Variants in TUSC3 observed in about 807,000 individuals in gnomAD.
TUSC3 encodes the protein dolichyl-diphosphooligosaccharide--protein glycosyltransferase subunit TUSC3.
TUSC3 carries 45 observed loss-of-function variants against 44.8 expected under a neutral mutation model. That is an observed-to-expected ratio of 1.00 (90% CI 0.79 to 1.29). The LOEUF is 1.29. Among genes scored for constraint, TUSC3 ranks in the 50% most tolerant of loss-of-function variants. The probability of loss-of-function intolerance (pLI) is 0.00; values close to 1 mark genes in which losing one functional copy is unlikely to be tolerated. For synonymous variants in TUSC3, 212 were observed against 152.9 expected (o/e 1.39, Z -2.85); for missense variants, 519 against 437.9 (o/e 1.19, Z -1.65).
chr8:15,600,303 G>A (rs1804233394), intron 1 of TUSC3, among the ~76,000 whole-genome samples: 1 of 151,596 alleles, frequency 6.6e-6, no homozygotes, highest in African/African-American at 2.4e-5. Flanking sequence ...TGGTAGTAAT[G>A]GCAATTAAGA....
intron 1 of TUSC3, among the ~76,000 whole-genome samples, chr8:15,595,310 T>C (rs1320517964): frequency 2.6e-5 from 4 of 152,274 alleles, no homozygotes; most frequent in Admixed American, 2.0e-4. Context: ...GGCTTCTCTT[T>C]GTGTAAATCT....
chr8:15,488,972 C>T (rs1800771210), intron 2 of TUSC3, among the ~76,000 whole-genome samples: 1 of 152,160 alleles, frequency 6.6e-6, no homozygotes. Flanking sequence ...ATCTCAGTCT[C>T]TTGGCTATTC....
the TUSC3 span, among the ~76,000 whole-genome samples, chr8:15,804,871 A>G: frequency 6.6e-6 from 1 of 152,154 alleles, no homozygotes; most frequent in African/African-American, 2.4e-5. Context: ...GTGAAGAATG[A>G]AATTGGTAGT....
chr8:15,668,028 G>T (rs981540634), intron 5 of TUSC3, among the ~76,000 whole-genome samples: 1 of 151,722 alleles, frequency 6.6e-6, no homozygotes, highest in Non-Finnish European at 1.5e-5. Context: ...ATAACATGTG[G>T]TTATGTTCAG....
intron 1 of TUSC3, among the ~76,000 whole-genome samples, chr8:15,564,164 T>C (rs1802581240): frequency 6.6e-6 from 1 of 152,148 alleles, no homozygotes; most frequent in African/African-American, 2.4e-5. Context: ...TTTTTGTGAC[T>C]GGCACTTCAA....
At chr8:15,538,551 C>A (rs772279269), upstream of TUSC3, among the ~76,000 whole-genome samples, 10 of 152,166 alleles carry the variant, frequency 6.6e-5, no homozygotes, top group Admixed American at 6.5e-4. Context: ...ATCTGAAAAT[C>A]GTTAACAGTG....
intron 9 of TUSC3, among the ~76,000 whole-genome samples, chr8:15,756,011 T>G (rs971115150): frequency 6.6e-6 from 1 of 152,150 alleles, no homozygotes; most frequent in East Asian, 1.9e-4. Context: ...CATGAGACAT[T>G]TCTAGTAATT....
chr8:15,721,671 T>A (rs891010459), intron 6 of TUSC3, among the ~76,000 whole-genome samples: 1 of 152,160 alleles, frequency 6.6e-6, no homozygotes, highest in African/African-American at 2.4e-5. Context: ...AAAGTAATTA[T>A]ACATTTCAGT....
chr8:15,799,444 A>G, the TUSC3 span, among the ~76,000 whole-genome samples: 27 of 152,288 alleles, frequency 1.8e-4, no homozygotes, highest in Admixed American at 1.6e-3. Flanking sequence ...CGGATTGACC[A>G]CCAGTTTCTC....
At chr8:15,757,722 CA>C (rs1811988025) in intron 9 of TUSC3, 68 bp from the exon 10 acceptor site, 1 of 1,471,782 alleles carries the variant, frequency 6.8e-7, no homozygotes, top group Non-Finnish European at 9.5e-7. Context: ...TAATATTGTA[CA>C]AATGGAAATT....
At chr8:15,450,074 G>C (rs189292606) in intron 1 of TUSC3, among the ~76,000 whole-genome samples, 105 of 152,184 alleles carry the variant, frequency 6.9e-4, no homozygotes, top group African/African-American at 2.5e-3. Flanking sequence ...GCATTTCTCA[G>C]AACGTATTCT....
intron 6 of TUSC3, among the ~76,000 whole-genome samples, chr8:15,706,255 G>C (rs1057507004): frequency 6.6e-6 from 1 of 151,810 alleles, no homozygotes; most frequent in Non-Finnish European, 1.5e-5. Flanking sequence ...ATTTTCATTT[G>C]AGAGTCTAAT....
At chr8:15,504,525 C>A (rs1801017539) in intron 2 of TUSC3, among the ~76,000 whole-genome samples, 1 of 136,580 alleles carries the variant, frequency 7.3e-6, no homozygotes, top group Non-Finnish European at 1.5e-5. Flanking sequence ...TTTAGGTTGC[C>A]AAACAGAATT....
rs1056969986 is a variant in TUSC3 at position 15,766,030 on chromosome 8, C to A, written c.*1874C>A. 1.3e-5 allele frequency: 2 copies of A among 152,098 alleles called. No individual in the cohort carries two copies. The highest frequency in any genetic ancestry group is 4.8e-5 in the African/African-American group (2 of 41,430). The allele number at this position is 152,098 out of a possible 1,614,324, so 9.4% of individuals were successfully genotyped here. A position where few individuals can be genotyped will look rare whatever the true frequency, so the allele number is the denominator to read the frequency against. On this transcript the variant is annotated 3_prime_UTR_variant, in exon 11 of 11. Coordinates refer to ENST00000503731, the MANE Select transcript of TUSC3 (RefSeq NM_006765.4). ...TCTTTTAATCATATCAAAGTCAGGT[C>A]ATCCTCAGACACTATAACTAAGATA... is the stretch of plus-strand genomic sequence containing the variant.
chr8:15,731,381 G>A (rs190747752), intron 7 of TUSC3, among the ~76,000 whole-genome samples: 130 of 152,294 alleles, frequency 8.5e-4, no homozygotes, highest in African/African-American at 3.0e-3. Context: ...TTATGAGAAT[G>A]TAACGTGTGC....
chr8:15,496,598 C>G (rs548499329), intron 2 of TUSC3, among the ~76,000 whole-genome samples: 2 of 152,112 alleles, frequency 1.3e-5, no homozygotes, highest in Non-Finnish European at 2.9e-5. Context: ...ACATTTCCAG[C>G]TGGGCTATTC....
intron 1 of TUSC3, among the ~76,000 whole-genome samples, chr8:15,593,496 A>G (rs2129151404): frequency 6.6e-6 from 1 of 152,284 alleles, no homozygotes; most frequent in South Asian, 2.1e-4. Flanking sequence ...TATCCAAGTG[A>G]GCCATTAATA....
At chr8:15,774,105 T>G in the TUSC3 span, among the ~76,000 whole-genome samples, 1 of 152,036 alleles carries the variant, frequency 6.6e-6, no homozygotes, top group Non-Finnish European at 1.5e-5. Context: ...TTACCCATGG[T>G]AATAGAGAGA....
chr8:15,691,536 A>G (rs967566437), intron 6 of TUSC3, among the ~76,000 whole-genome samples: 17 of 152,070 alleles, frequency 1.1e-4, no homozygotes, highest in African/African-American at 3.4e-4. Flanking sequence ...CTAGGACTTA[A>G]CAGTACCATG....
Sources: gnomAD v4.1 joint callset for allele counts (sites outside exome capture counted in the v4.1 genomes callset) on GRCh38, gnomAD v4.1.1 for gene constraint, MANE v1.5 for transcripts, NCBI Gene and HGNC (gene_info 2026-07-23, HGNC 2026-07-21) for gene names.